SOX6: variants seen among roughly 807,000 people sequenced by gnomAD.
SOX6 encodes transcription factor SOX-6.
In SOX6, 11 loss-of-function variants were observed where a neutral mutation model predicts 97.8. The observed-to-expected ratio is 0.11, with a 90% CI of 0.07 to 0.19. The LOEUF is 0.19. Ranked by LOEUF, SOX6 falls within the 10% of genes least tolerant of loss-of-function variation. The probability of loss-of-function intolerance (pLI) is 1.00; values close to 1 mark genes in which losing one functional copy is unlikely to be tolerated. For synonymous variants in SOX6, 360 were observed against 371.4 expected (o/e 0.97, Z 0.35); for missense variants, 810 against 1,039.5 (o/e 0.78, Z 3.04).
At chr11:16,414,416 T>G (rs1416905874) in intron 1 of SOX6, among the ~76,000 whole-genome samples, 2 of 152,186 alleles carry the variant, frequency 1.3e-5, no homozygotes, top group African/African-American at 4.8e-5. Flanking sequence ...AATGCAAATT[T>G]GGTAAATTAT....
chr11:16,052,162 T>C (rs1847702136), intron 10 of SOX6, among the ~76,000 whole-genome samples: 2 of 152,154 alleles, frequency 1.3e-5, no homozygotes, highest in South Asian at 4.1e-4. Context: ...TATAATTCAG[T>C]AATTGCCACT....
intron 3 of SOX6, among the ~76,000 whole-genome samples, chr11:16,633,611 G>A (rs951774707): frequency 6.6e-6 from 1 of 152,206 alleles, no homozygotes; most frequent in Non-Finnish European, 1.5e-5. Flanking sequence ...AGAGCAGCAT[G>A]GAACAGCTAA....
At chr11:16,470,743 A>T (rs1305465092) in intron 1 of SOX6, among the ~76,000 whole-genome samples, 1 of 152,162 alleles carries the variant, frequency 6.6e-6, no homozygotes, top group Non-Finnish European at 1.5e-5. Context: ...CTAAATTTAT[A>T]CCATGAATTC....
intron 6 of SOX6, among the ~76,000 whole-genome samples, chr11:16,179,302 C>T (rs1267284274): frequency 6.6e-6 from 1 of 151,800 alleles, no homozygotes; most frequent in African/African-American, 2.4e-5. Flanking sequence ...GGATAACACA[C>T]ATTTAATGAT....
chr11:16,646,451 T>G (rs1449395822), intron 3 of SOX6: 1 of 152,106 alleles, frequency 6.6e-6, no homozygotes, highest in Non-Finnish European at 1.5e-5. Flanking sequence ...CATCCTTTCG[T>G]AAGTTTTTTT....
intron 3 of SOX6, chr11:16,314,571 A>T (rs1044522920): frequency 2.6e-5 from 4 of 152,208 alleles, no homozygotes; most frequent in Non-Finnish European, 5.9e-5. Flanking sequence ...ATCATCTAGC[A>T]TAGGGATTCT....
At chr11:16,026,975 A>G (rs139279806) in intron 12 of SOX6, among the ~76,000 whole-genome samples, 2 of 152,314 alleles carry the variant, frequency 1.3e-5, no homozygotes, top group African/African-American at 4.8e-5. Flanking sequence ...ATATGTGTTA[A>G]TTGTATGGTT....
intron 3 of SOX6, among the ~76,000 whole-genome samples, chr11:16,649,695 T>C (rs548878681): frequency 1.3e-5 from 2 of 151,436 alleles, no homozygotes; most frequent in South Asian, 2.1e-4. Context: ...TTTCACAGGA[T>C]CTAAAAAGCA....
intron 2 of SOX6, among the ~76,000 whole-genome samples, chr11:16,719,022 TA>T (rs1449504352): frequency 6.1e-5 from 9 of 147,858 alleles, no homozygotes; most frequent in Non-Finnish European, 1.3e-4. Flanking sequence ...AATCCAAAGG[TA>T]TACACTTATA....
At chr11:16,634,024 A>G (rs1201733971) in intron 3 of SOX6, among the ~76,000 whole-genome samples, 1 of 152,208 alleles carries the variant, frequency 6.6e-6, no homozygotes, top group Admixed American at 6.5e-5. Context: ...TTTCTAGAGA[A>G]AAGATGATCA....
At chr11:16,247,789 T>C (rs1853384331) in intron 3 of SOX6, among the ~76,000 whole-genome samples, 1 of 151,972 alleles carries the variant, frequency 6.6e-6, no homozygotes. Context: ...TTGCCCCTGG[T>C]CCCTCCCAAA....
At chr11:16,177,014 A>G (rs992490065) in intron 6 of SOX6, among the ~76,000 whole-genome samples, 2 of 151,932 alleles carry the variant, frequency 1.3e-5, no homozygotes, top group African/African-American at 4.8e-5. Flanking sequence ...AATTTCAAAG[A>G]CAAGCAAAAG....
intron 4 of SOX6, among the ~76,000 whole-genome samples, chr11:16,565,354 CTACCAAATGTT>C: frequency 6.6e-6 from 1 of 152,210 alleles, no homozygotes; most frequent in African/African-American, 2.4e-5. Flanking sequence ...GCCCAAATGT[CTACCAAATGTT>C]TAAAGATTAA....
chr11:16,728,541 C>T (rs1020042096), intron 2 of SOX6, among the ~76,000 whole-genome samples: 11 of 152,136 alleles, frequency 7.2e-5, no homozygotes, highest in South Asian at 2.1e-4. Flanking sequence ...TCAACATCAA[C>T]GGAAACGACG....
chr11:16,009,445 G>C (rs1854647251), intron 13 of SOX6, among the ~76,000 whole-genome samples: 1 of 152,036 alleles, frequency 6.6e-6, no homozygotes, highest in African/African-American at 2.4e-5. Flanking sequence ...ATATCTGAAG[G>C]GGTGTCAAAT....
chr11:16,626,295 T>C (rs1848623015), intron 3 of SOX6, among the ~76,000 whole-genome samples: 1 of 152,240 alleles, frequency 6.6e-6, no homozygotes, highest in African/African-American at 2.4e-5. Flanking sequence ...CCAGTTGTTC[T>C]GACAGCATTT....
intron 4 of SOX6, among the ~76,000 whole-genome samples, chr11:16,500,858 C>T (rs1024748780): frequency 6.6e-6 from 1 of 152,034 alleles, no homozygotes; most frequent in African/African-American, 2.4e-5. Flanking sequence ...TAGGAAGAAT[C>T]AATATTGTGA....
chr11:16,638,723 A>G (rs1848837162), intron 3 of SOX6, among the ~76,000 whole-genome samples: 1 of 152,166 alleles, frequency 6.6e-6, no homozygotes, highest in Non-Finnish European at 1.5e-5. Flanking sequence ...TCTTCTTTTG[A>G]GAAGTGTCTG....
intron 1 of SOX6, among the ~76,000 whole-genome samples, chr11:16,395,089 G>A (rs1858310149): frequency 6.6e-6 from 1 of 151,674 alleles, no homozygotes; most frequent in Admixed American, 6.6e-5. Context: ...TTTGCTTTCT[G>A]TCAATCTCCC....
Sources: gnomAD v4.1 joint callset for allele counts (sites outside exome capture counted in the v4.1 genomes callset) on GRCh38, gnomAD v4.1.1 for gene constraint, MANE v1.5 for transcripts, NCBI Gene and HGNC (gene_info 2026-07-23, HGNC 2026-07-21) for gene names.